The following PCSK5 variants were observed in gnomAD, a reference collection of about 807,000 sequenced individuals.
PCSK5 encodes the protein proprotein convertase subtilisin/kexin type 5, also known as prohormone convertase 5.
A neutral mutation model predicts 233.2 loss-of-function variants in PCSK5; 129 were observed. The observed-to-expected ratio is 0.55, with a 90% CI of 0.48 to 0.64. The LOEUF is 0.64. PCSK5 is among the 30% of genes least tolerant of loss of function. The probability of loss-of-function intolerance (pLI) is 0.00; values close to 1 mark genes in which losing one functional copy is unlikely to be tolerated. For synonymous variants in PCSK5, 825 were observed against 879.2 expected, an observed-to-expected ratio of 0.94 and a Z score of 1.09; for missense variants, 2,076 against 2,430.1, an observed-to-expected ratio of 0.85 and a Z score of 3.06.
chr9:76,051,223 A>C (rs1221661911), intron 5 of PCSK5, among the ~76,000 whole-genome samples: 1 of 152,234 alleles, frequency 6.6e-6, no homozygotes, highest in African/African-American at 2.4e-5. Context: ...CTCAGATATC[A>C]GGGAGACCAG....
rs765961946 is a variant in PCSK5 at position 76,088,710 on chromosome 9, C to A, written c.895-7180C>A. On this transcript the variant is annotated intron_variant, in intron 7 of 37. Coordinates refer to ENST00000674117, the MANE Select transcript of PCSK5 (RefSeq NM_001372043.1). The stretch of plus-strand genomic sequence containing the variant: ...GTCTGGGGCTTAAGTAAGCTCTTAT[C>A]CCATAGATGTCTTCATACACCTTTA... Among the ~76,000 whole-genome samples the A allele has an allele frequency of 2.6e-5, 4 of 152,138 alleles. No individual in the cohort carries two copies. In the East Asian group the frequency reaches 7.7e-4, roughly 29 times the overall value.
Position 76,071,862 on chromosome 9 carries a change from C to G in PCSK5, c.858C>G (p.Pro286=), listed in dbSNP as rs778510918. 4 of 1,614,132 alleles carry G rather than the reference C, an allele frequency of 2.5e-6. No individual in the cohort carries two copies. The highest frequency in any genetic ancestry group is 1.1e-5 in the South Asian group (1 of 91,064). Residue 286 remains proline, a synonymous_variant, in exon 7 of 38, where the codon CCC becomes CCG. Transcript: ENST00000674117. ...DDGKTVDGPA[P]LTRQAFENGV... is the part of the protein sequence containing the mutation. ...GCAAGACTGTGGACGGACCAGCCCC[C>G]CTCACCCGGCAAGCCTTTGAAAACG...
At chr9:75,923,974 G>GCTTCCT (rs1823364981) in intron 1 of PCSK5, among the ~76,000 whole-genome samples, 1 of 151,930 alleles carries the variant, frequency 6.6e-6, no homozygotes, top group South Asian at 2.1e-4. Flanking sequence ...TCTAATTGCT[G>GCTTCCT]CTTCCTCTTT....
intron 24 of PCSK5, among the ~76,000 whole-genome samples, chr9:76,284,823 C>A (rs931197949): frequency 6.6e-6 from 1 of 152,028 alleles, no homozygotes; most frequent in Non-Finnish European, 1.5e-5. Flanking sequence ...TGAGCCACTG[C>A]GCCTGGCCAA....
chr9:76,077,769 G>A (rs1411843304), intron 7 of PCSK5, among the ~76,000 whole-genome samples: 4 of 152,176 alleles, frequency 2.6e-5, no homozygotes, highest in Non-Finnish European at 4.4e-5. Context: ...GTATTCCATG[G>A]TGTATGTGTA....
At chr9:76,079,743 G>A (rs189663089) in intron 7 of PCSK5, among the ~76,000 whole-genome samples, 2 of 152,198 alleles carry the variant, frequency 1.3e-5, no homozygotes, top group African/African-American at 2.4e-5. Context: ...GTCTTGTTTC[G>A]GTTCTCAAGG....
At chr9:75,930,726 C>T (rs773574742) in intron 1 of PCSK5, among the ~76,000 whole-genome samples, 11 of 152,084 alleles carry the variant, frequency 7.2e-5, no homozygotes, top group Admixed American at 2.6e-4. Context: ...TTTCTTTCCA[C>T]GAGAACTACT....
chr9:76,295,199 C>A, intron 25 of PCSK5, 76 bp from the exon 26 acceptor site: 1 of 1,315,440 alleles, frequency 7.6e-7, no homozygotes, highest in Non-Finnish European at 1.1e-6. Context: ...CATAGACATA[C>A]ATAAGGAGAT....
intron 20 of PCSK5, among the ~76,000 whole-genome samples, chr9:76,222,781 G>A (rs1459811312): frequency 6.6e-6 from 1 of 152,050 alleles, no homozygotes; most frequent in Non-Finnish European, 1.5e-5. Context: ...GCTTAACAAA[G>A]CTTTGAAAAA....
chr9:76,079,491 G>A (rs1830759994), intron 7 of PCSK5, among the ~76,000 whole-genome samples: 2 of 152,106 alleles, frequency 1.3e-5, no homozygotes, highest in Admixed American at 1.3e-4. Flanking sequence ...GTATAGAAAT[G>A]CTACTGATTT....
intron 22 of PCSK5, among the ~76,000 whole-genome samples, chr9:76,234,471 A>G (rs73460389): frequency 0.011 from 1,704 of 152,248 alleles, 30 homozygotes; most frequent in African/African-American, 0.039. Flanking sequence ...AGAATTATTG[A>G]TCTTTATTCT....
chr9:76,232,803 A>G lies in PCSK5; in HGVS notation c.2730-657A>G, dbSNP rs180986150. ...ATATATGTAAAACCAAAGTTTTAGA[A>G]GCCCATATACCAACTCACCTGTAAT... is the stretch of plus-strand genomic sequence containing the variant. On this transcript the variant is annotated intron_variant, in intron 21 of 37. Transcript: ENST00000674117. Among the ~76,000 whole-genome samples the G allele has an allele frequency of 2.0e-5, 3 of 152,362 alleles. No individual in the cohort carries two copies. The East Asian group carries it at 5.8e-4, about 29-fold the overall frequency.
intron 1 of PCSK5, among the ~76,000 whole-genome samples, chr9:75,912,456 C>T (rs1822786803): frequency 6.6e-6 from 1 of 152,104 alleles, no homozygotes; most frequent in African/African-American, 2.4e-5. Context: ...TCATGTGCAC[C>T]TGGGGATCCT....
At chr9:76,229,646 G>A (rs1454991084) in intron 21 of PCSK5, among the ~76,000 whole-genome samples, 1 of 152,150 alleles carries the variant, frequency 6.6e-6, no homozygotes, top group African/African-American at 2.4e-5. Flanking sequence ...AAAGAACCAA[G>A]AAATTACACT....
chr9:76,046,418 C>T (rs560084714), intron 5 of PCSK5, among the ~76,000 whole-genome samples: 37 of 151,218 alleles, frequency 2.4e-4, no homozygotes, highest in Non-Finnish European at 4.9e-4. Context: ...CCTCATGATC[C>T]GCCCGCCTCG....
chr9:76,283,157 A>C (rs1232952792), intron 24 of PCSK5, among the ~76,000 whole-genome samples: 1 of 152,272 alleles, frequency 6.6e-6, no homozygotes, highest in African/African-American at 2.4e-5. Context: ...CAAATGATTT[A>C]GAATATTACA....
chr9:75,969,390 A>G (rs1178722119), intron 2 of PCSK5, among the ~76,000 whole-genome samples: 2 of 152,178 alleles, frequency 1.3e-5, no homozygotes, highest in African/African-American at 2.4e-5. Context: ...GGGCCAGAAC[A>G]TTGATTGGCC....
intron 30 of PCSK5, among the ~76,000 whole-genome samples, chr9:76,313,000 T>A (rs1236352063): frequency 6.6e-6 from 1 of 152,138 alleles, no homozygotes; most frequent in Non-Finnish European, 1.5e-5. Context: ...ACATTTTAAA[T>A]CACTATTTTT....
At chr9:76,038,059 C>A (rs148021992) in intron 5 of PCSK5, among the ~76,000 whole-genome samples, 1 of 152,152 alleles carries the variant, frequency 6.6e-6, no homozygotes, top group African/African-American at 2.4e-5. Flanking sequence ...GTGGTGACAT[C>A]CTGAGCTGAG....
Sources: allele counts gnomAD v4.1 joint callset (sites outside exome capture counted in the v4.1 genomes callset), GRCh38; gene constraint gnomAD v4.1.1; transcripts MANE v1.5; gene names NCBI Gene and HGNC (gene_info 2026-07-23, HGNC 2026-07-21).